SEMA3C: variants seen among roughly 807,000 people sequenced by gnomAD.
SEMA3C encodes the protein semaphorin-3C.
Under a neutral mutation model 89.4 loss-of-function variants are expected in SEMA3C, and 47 were observed. That is an observed-to-expected ratio of 0.53 (90% CI 0.42 to 0.67). The LOEUF (loss-of-function observed/expected upper bound fraction) is 0.67, where lower values mean the gene tolerates loss of function less well. Ranked by LOEUF, SEMA3C falls within the 30% of genes least tolerant of loss-of-function variation. The probability of loss-of-function intolerance (pLI) is 0.00; values close to 1 mark genes in which losing one functional copy is unlikely to be tolerated. For synonymous variants in SEMA3C, 310 were observed against 320.2 expected (o/e 0.97, Z 0.34); for missense variants, 839 against 929.1 (o/e 0.90, Z 1.26).
intron 15 of SEMA3C, among the ~76,000 whole-genome samples, chr7:80,756,857 T>A (rs58693325): frequency 0.13 from 19,702 of 152,208 alleles, 1,480 homozygotes; most frequent in Middle Eastern, 0.24. Flanking sequence ...TGCTTACCAC[T>A]TATTGTACCT....
chr7:80,749,947 T>TA (rs1787887349), intron 16 of SEMA3C, among the ~76,000 whole-genome samples: 1 of 152,188 alleles, frequency 6.6e-6, no homozygotes, highest in South Asian at 2.1e-4. Flanking sequence ...TGGGAACTGA[T>TA]ACACTTTTAT....
chr7:80,866,585 T>C (rs1041019923), intron 2 of SEMA3C, among the ~76,000 whole-genome samples: 2 of 152,178 alleles, frequency 1.3e-5, no homozygotes, highest in South Asian at 2.1e-4. Context: ...ATAATTATAA[T>C]CTGCACTCCA....
chr7:80,750,467 T>TACAC (rs1400593051), intron 16 of SEMA3C, among the ~76,000 whole-genome samples: 25 of 61,790 alleles, frequency 4.0e-4, no homozygotes, highest in African/African-American at 5.5e-4. Context: ...TATATATATA[T>TACAC]ATATATACAC....
chr7:80,900,680 A>C (rs1791856816), intron 2 of SEMA3C, among the ~76,000 whole-genome samples: 1 of 152,198 alleles, frequency 6.6e-6, no homozygotes, highest in Non-Finnish European at 1.5e-5. Context: ...TGCAGAAGGG[A>C]ATCAATTGTT....
intron 2 of SEMA3C, among the ~76,000 whole-genome samples, chr7:80,895,602 T>C (rs1243409651): frequency 6.6e-6 from 1 of 152,198 alleles, no homozygotes; most frequent in Non-Finnish European, 1.5e-5. Context: ...CACATCACAC[T>C]ACACATGTGC....
At chr7:80,841,179 A>G (rs955404007) in intron 2 of SEMA3C, among the ~76,000 whole-genome samples, 3 of 152,218 alleles carry the variant, frequency 2.0e-5, no homozygotes, top group Non-Finnish European at 4.4e-5. Flanking sequence ...AGTACCCGCC[A>G]TGATCACATA....
At chr7:80,852,858 T>C (rs1242188217) in intron 2 of SEMA3C, among the ~76,000 whole-genome samples, 2 of 151,940 alleles carry the variant, frequency 1.3e-5, no homozygotes, top group African/African-American at 4.8e-5. Context: ...TTTTGTACTT[T>C]TGGTAGAGAC....
chr7:80,826,345 G>C (rs528230926), intron 4 of SEMA3C, among the ~76,000 whole-genome samples: 25 of 152,218 alleles, frequency 1.6e-4, no homozygotes, highest in African/African-American at 6.0e-4. Context: ...TTAACACTAA[G>C]GTGGTCTATT....
chr7:80,847,358 ATAAGAG>A (rs1228933917), intron 2 of SEMA3C: 1 of 152,206 alleles, frequency 6.6e-6, no homozygotes, highest in African/African-American at 2.4e-5. Context: ...GTAGTATACA[ATAAGAG>A]TAAATTTCCA....
At chr7:80,761,402 C>T (rs527516499) in intron 14 of SEMA3C, among the ~76,000 whole-genome samples, 11 of 152,188 alleles carry the variant, frequency 7.2e-5, no homozygotes, top group Non-Finnish European at 1.0e-4. Context: ...TGTTCTGCTC[C>T]GACAAACTTT....
chr7:80,758,336 C>T lies in SEMA3C; in HGVS notation c.1638G>A (p.Gly546=), dbSNP rs1482435492. ...GHSCSRFYPT[G]KRRSRRQDVR... is the part of the protein sequence containing the mutation. ...GCCGAGTGTTTAGTGCTCACCGTTT[C>T]CCAGTTGGGTAGAATCTGGAACAGG... Residue 546 remains glycine, a synonymous_variant, in exon 15 of 18, where the codon GGG becomes GGA. Coordinates refer to ENST00000265361, the MANE Select transcript of SEMA3C (RefSeq NM_006379.5). The T allele has an allele frequency of 1.2e-6, 2 of 1,612,628 alleles. No homozygotes were observed. The highest frequency in any genetic ancestry group is 1.7e-6 in the Non-Finnish European group (2 of 1,179,430).
chr7:80,797,259 A>G (rs1291515819), intron 11 of SEMA3C, among the ~76,000 whole-genome samples: 13 of 152,130 alleles, frequency 8.5e-5, no homozygotes, highest in Admixed American at 7.9e-4. Context: ...ACTAATCAAC[A>G]TTCTAGAAGG....
chr7:80,808,737 A>G (rs1789398628), intron 6 of SEMA3C, among the ~76,000 whole-genome samples: 1 of 152,168 alleles, frequency 6.6e-6, no homozygotes, highest in Admixed American at 6.5e-5. Flanking sequence ...CGTCTACTAT[A>G]CGTATGACAT....
intron 4 of SEMA3C, among the ~76,000 whole-genome samples, chr7:80,823,230 G>A (rs1789795238): frequency 6.6e-6 from 1 of 152,064 alleles, no homozygotes; most frequent in Non-Finnish European, 1.5e-5. Flanking sequence ...ACTGCTCTAA[G>A]CTCTCTGCAA....
At chr7:80,888,054 T>C (rs1441022603) in intron 2 of SEMA3C, among the ~76,000 whole-genome samples, 2 of 152,194 alleles carry the variant, frequency 1.3e-5, no homozygotes, top group African/African-American at 2.4e-5. Context: ...AAGAAGTCTC[T>C]GGCAATTTTT....
intron 12 of SEMA3C, among the ~76,000 whole-genome samples, chr7:80,784,477 A>G (rs1788758298): frequency 6.6e-6 from 1 of 152,016 alleles, no homozygotes; most frequent in Non-Finnish European, 1.5e-5. Context: ...TTTACTCAAG[A>G]TAAAAGAAGA....
intron 17 of SEMA3C, among the ~76,000 whole-genome samples, chr7:80,746,718 G>GGGGGTGTGTGTGTGTGT (rs149678378): frequency 2.1e-5 from 3 of 142,930 alleles, no homozygotes; most frequent in Non-Finnish European, 4.6e-5. Flanking sequence ...ATTGAAGTGG[G>GGGGGTGTGTGTGTGTGT]GTGTGTGTGT....
intron 3 of SEMA3C, 131 bp downstream of exon 3, chr7:80,828,454 T>C: frequency 1.4e-6 from 1 of 706,786 alleles, no homozygotes; most frequent in Non-Finnish European, 2.2e-6. Flanking sequence ...AAGTACTAAC[T>C]TTCATAGTAA....
upstream of SEMA3C, chr7:80,919,345 G>A: frequency 1.1e-5 from 11 of 985,310 alleles, no homozygotes; most frequent in Non-Finnish European, 1.3e-5. Context: ...TGCTCCTTTC[G>A]CAGTCCGCGG....
Sources: gnomAD v4.1 joint callset for allele counts (sites outside exome capture counted in the v4.1 genomes callset) on GRCh38, gnomAD v4.1.1 for gene constraint, MANE v1.5 for transcripts, NCBI Gene and HGNC (gene_info 2026-07-23, HGNC 2026-07-21) for gene names.